TTLL11: variants seen among roughly 807,000 people sequenced by gnomAD.
The protein encoded by TTLL11 is tubulin tyrosine ligase like 11.
In TTLL11, 42 loss-of-function variants were observed where a neutral mutation model predicts 51.7. The observed-to-expected ratio is 0.81, with a 90% CI of 0.64 to 1.05. The LOEUF (loss-of-function observed/expected upper bound fraction) is 1.05. Among genes scored for constraint, TTLL11 ranks in the 50% least tolerant of loss-of-function variants. The pLI is 0.00. For synonymous variants in TTLL11, 381 were observed against 383.5 expected (o/e 0.99, Z 0.08); for missense variants, 799 against 940.4 (o/e 0.85, Z 1.97).
chr9:121,995,854 C>G lies in TTLL11; in HGVS notation c.694-6084G>C, dbSNP rs1193374589. On this transcript the variant is annotated intron_variant, in intron 3 of 8. Coordinates refer to ENST00000321582, the MANE Select transcript of TTLL11 (RefSeq NM_001139442.2). The surrounding 1 kb of genome is among the most constrained non-coding windows in gnomAD (Gnocchi z 4.4). ...AGGGATGAGACTCAGACTCTAAACT[C>G]AGATGGCGCATACCTCGAACTGGAG... Among the ~76,000 whole-genome samples the G allele has an allele frequency of 1.3e-5, 2 of 152,332 alleles. No homozygotes were observed. Among genetic ancestry groups the G allele is most frequent in the Admixed American group, 6.5e-5 (1 of 15,304 alleles).
chr9:122,019,796 G>A (rs1282300790), intron 3 of TTLL11, among the ~76,000 whole-genome samples: 5 of 152,170 alleles, frequency 3.3e-5, no homozygotes, highest in African/African-American at 4.8e-5. Context: ...TAATTCCCAT[G>A]TATTGTAGGA....
intron 6 of TTLL11, among the ~76,000 whole-genome samples, chr9:121,899,365 G>GTGTGTATATATATACATA (rs1226221957): frequency 5.3e-5 from 6 of 113,224 alleles, no homozygotes; most frequent in Middle Eastern, 5.0e-3. Flanking sequence ...ATGTGTGTGT[G>GTGTGTATATATATACATA]TATATATATA....
At chr9:121,915,716 T>C (rs1200835027) in intron 6 of TTLL11, among the ~76,000 whole-genome samples, 1 of 152,162 alleles carries the variant, frequency 6.6e-6, no homozygotes, top group Non-Finnish European at 1.5e-5. Context: ...CTTGATTTTT[T>C]TAAAAGGATC....
intron 4 of TTLL11, among the ~76,000 whole-genome samples, chr9:121,987,149 TA>T (rs1240408241): frequency 1.3e-5 from 2 of 152,106 alleles, no homozygotes; most frequent in East Asian, 3.9e-4. Context: ...ATAATCAACA[TA>T]AAATTCAGGG....
Position 122,000,256 on chromosome 9 carries a change from G to A in TTLL11, c.694-10486C>T, listed in dbSNP as rs571846200. ...AGAGGCCGAGGCAGGCGGATCACGA[G>A]GTCAGGAGATGAAGACCATCCTGCC... is the stretch of plus-strand genomic sequence containing the variant. On this transcript the variant is annotated intron_variant, in intron 3 of 8. Transcript: ENST00000321582. 2.6e-5 allele frequency among the ~76,000 whole-genome samples: 4 copies of A among 152,130 alleles called. No individual in the cohort carries two copies. In the East Asian group the frequency reaches 5.8e-4, roughly 22 times the overall value.
chr9:122,009,579 T>A (rs1843742634), intron 3 of TTLL11, among the ~76,000 whole-genome samples: 1 of 151,530 alleles, frequency 6.6e-6, no homozygotes, highest in Non-Finnish European at 1.5e-5. Context: ...ATAAACACAT[T>A]TACTATATAA....
chr9:121,831,984 G>T lies in TTLL11; in HGVS notation c.1841-9105C>A, dbSNP rs141758588. Among the ~76,000 whole-genome samples, 1,169 of 152,214 alleles carry T rather than the reference G, an allele frequency of 7.7e-3. 56 individuals are homozygous for T. The highest frequency in any genetic ancestry group is 0.068 in the Admixed American group (1,035 of 15,278). ...CTCTCTTCCTGGTTTGCAGACGGCCGCCTTCTTGCCATGTCCTCACATGGC... is the reference window on the plus strand; with the variant it reads ...CTCTCTTCCTGGTTTGCAGACGGCCTCCTTCTTGCCATGTCCTCACATGGC... On this transcript the variant is annotated intron_variant, in intron 8 of 8. Coordinates refer to ENST00000321582, the MANE Select transcript of TTLL11 (RefSeq NM_001139442.2).
At chr9:122,008,277 G>A (rs1396602211) in intron 3 of TTLL11, among the ~76,000 whole-genome samples, 1 of 152,196 alleles carries the variant, frequency 6.6e-6, no homozygotes, top group Non-Finnish European at 1.5e-5. Flanking sequence ...GGAAACAGTC[G>A]ACCAAATAAA....
At chr9:122,013,156 A>G (rs1843865283) in intron 3 of TTLL11, among the ~76,000 whole-genome samples, 1 of 152,138 alleles carries the variant, frequency 6.6e-6, no homozygotes, top group African/African-American at 2.4e-5. Flanking sequence ...TAATTAACTT[A>G]CCCGAGGGAT....
intron 6 of TTLL11, among the ~76,000 whole-genome samples, chr9:121,921,437 T>C (rs1005351029): frequency 3.3e-5 from 5 of 152,044 alleles, no homozygotes; most frequent in Non-Finnish European, 7.4e-5. Context: ...CCGAGAATCA[T>C]GAGATTTGTT....
intron 1 of TTLL11, among the ~76,000 whole-genome samples, chr9:122,088,690 TA>T (rs1029269854): frequency 1.3e-5 from 2 of 152,076 alleles, no homozygotes; most frequent in Non-Finnish European, 2.9e-5. Context: ...TTGTTGTTGT[TA>T]AATATATGTG....
chr9:122,006,019 A>T (rs1843632517), intron 3 of TTLL11, among the ~76,000 whole-genome samples: 1 of 152,236 alleles, frequency 6.6e-6, no homozygotes, highest in South Asian at 2.1e-4. Flanking sequence ...CAAACTGAGT[A>T]TCACAATATT....
intron 4 of TTLL11, among the ~76,000 whole-genome samples, chr9:121,985,618 A>G (rs971656873): frequency 6.9e-6 from 1 of 144,468 alleles, no homozygotes; most frequent in Non-Finnish European, 1.5e-5. Flanking sequence ...CCGGGTTCAC[A>G]CCATTCTCCT....
chr9:122,026,289 T>C (rs367630691), intron 3 of TTLL11, among the ~76,000 whole-genome samples: 7 of 151,824 alleles, frequency 4.6e-5, no homozygotes, highest in African/African-American at 1.7e-4. Context: ...AATACAAAAA[T>C]TAGCTGGACA....
intron 3 of TTLL11, 26 bp downstream of exon 3, chr9:122,031,697 G>T (rs1416259779): frequency 1.2e-6 from 2 of 1,609,850 alleles, no homozygotes; most frequent in Non-Finnish European, 1.7e-6. Flanking sequence ...ATAATTCAGG[G>T]GTCATGGGGA....
At chr9:122,017,348 T>C (rs894170611) in intron 3 of TTLL11, among the ~76,000 whole-genome samples, 1 of 152,158 alleles carries the variant, frequency 6.6e-6, no homozygotes, top group Non-Finnish European at 1.5e-5. Flanking sequence ...CTTTGAGATA[T>C]CTATCCAAAG....
rs369353866 is a variant in TTLL11 at position 121,897,898 on chromosome 9, T to C, written c.1482-27150A>G. On this transcript the variant is annotated intron_variant, in intron 6 of 8. Transcript: ENST00000321582. The stretch of plus-strand genomic sequence containing the variant: ...TTCTCCCTTCTCTTTTCTCCTCTCC[T>C]TCCCTTCCCTCTCTTTCTTCTATTC... Among the ~76,000 whole-genome samples the C allele has an allele frequency of 2.7e-3, 408 of 151,568 alleles. 2 individuals are homozygous for C. The highest frequency in any genetic ancestry group is 9.5e-3 in the African/African-American group (391 of 41,224).
At chr9:121,997,993 C>T (rs1843331275) in intron 3 of TTLL11, among the ~76,000 whole-genome samples, 1 of 152,236 alleles carries the variant, frequency 6.6e-6, no homozygotes, top group Non-Finnish European at 1.5e-5. Flanking sequence ...AGGTCTCCTA[C>T]TGAGAGCCCA....
Position 121,948,523 on chromosome 9 carries a change from G to A in TTLL11, c.1481+25486C>T, listed in dbSNP as rs150948813. On this transcript the variant is annotated intron_variant, in intron 6 of 8. Transcript: ENST00000321582. ...CACTTGATGATGGTGATTACATGCC[G>A]CTCTCCAAGCCCTTCCATACGCCCG... Among the ~76,000 whole-genome samples the A allele has an allele frequency of 6.1e-3, 933 of 152,226 alleles. 6 individuals are homozygous for A. The highest frequency in any genetic ancestry group is 0.021 in the African/African-American group (884 of 41,524).
Sources: allele counts gnomAD v4.1 joint callset (sites outside exome capture counted in the v4.1 genomes callset), GRCh38; gene constraint gnomAD v4.1.1; non-coding constraint Gnocchi (gnomAD v3.1); transcripts MANE v1.5; gene names NCBI Gene and HGNC (gene_info 2026-07-23, HGNC 2026-07-21).